The following PTPRD variants were observed in gnomAD, a reference collection of about 807,000 sequenced individuals.
The protein encoded by PTPRD is receptor-type tyrosine-protein phosphatase delta.
Under a neutral mutation model 214.5 loss-of-function variants are expected in PTPRD, and 34 were observed. The ratio of observed to expected loss-of-function variants is 0.16; its 90% CI spans 0.12 to 0.21. The LOEUF (loss-of-function observed/expected upper bound fraction) is 0.21. PTPRD is among the 10% of genes least tolerant of loss of function. PTPRD has a pLI of 1.00. For missense variants in PTPRD, 2,545 were observed against 2,398.7 expected (o/e 1.06, Z -1.27); for synonymous variants, 1,128 against 845.7 (o/e 1.33, Z -5.79).
Position 10,149,337 on chromosome 9 carries a change from C to T in PTPRD, c.-544-115547G>A, listed in dbSNP as rs190680676. 9.9e-5 allele frequency among the ~76,000 whole-genome samples: 15 copies of T among 152,260 alleles called. No homozygotes were observed. In the East Asian group the frequency reaches 2.5e-3, roughly 25 times the overall value. On this transcript the variant is annotated intron_variant, in intron 3 of 45. Transcript: ENST00000381196. The stretch of plus-strand genomic sequence containing the variant: ...ACTGGGAGAATCTGGGCCAGATCTT[C>T]CCAAGAGGTGTTTCTTGTTTTGTGT...
intron 9 of PTPRD, among the ~76,000 whole-genome samples, chr9:9,390,224 C>G (rs567657340): frequency 1.8e-4 from 28 of 152,264 alleles, no homozygotes; most frequent in African/African-American, 6.3e-4. Flanking sequence ...GAAACCATGT[C>G]AGACAGGAGG....
chr9:9,803,425 ATTATT>A (rs1292203616), intron 5 of PTPRD, among the ~76,000 whole-genome samples: 2 of 151,954 alleles, frequency 1.3e-5, no homozygotes, highest in Admixed American at 6.6e-5. Flanking sequence ...TTCAGAAATA[ATTATT>A]TATTTTCTTA....
chr9:10,538,319 T>A (rs573490775), intron 2 of PTPRD, among the ~76,000 whole-genome samples: 14 of 151,718 alleles, frequency 9.2e-5, no homozygotes, highest in South Asian at 2.1e-4. Context: ...AGTGGTTCTG[T>A]AAAGAAAGAG....
chr9:9,199,015 T>A (rs1249035031), intron 9 of PTPRD, among the ~76,000 whole-genome samples: 2 of 152,138 alleles, frequency 1.3e-5, no homozygotes, highest in African/African-American at 4.8e-5. Flanking sequence ...GATTAAATAT[T>A]TATATAGTAC....
At chr9:9,577,841 T>C (rs970426313) in intron 7 of PTPRD, among the ~76,000 whole-genome samples, 3 of 149,628 alleles carry the variant, frequency 2.0e-5, no homozygotes, top group Non-Finnish European at 4.4e-5. Flanking sequence ...AGGTTGGGAG[T>C]TCAAGACCAG....
At chr9:9,233,301 T>A (rs1447340914) in intron 9 of PTPRD, among the ~76,000 whole-genome samples, 1 of 152,056 alleles carries the variant, frequency 6.6e-6, no homozygotes, top group Non-Finnish European at 1.5e-5. Flanking sequence ...TCGTGAGATC[T>A]CACTATCATG....
chr9:10,226,494 T>C (rs1169018437), intron 3 of PTPRD, among the ~76,000 whole-genome samples: 1 of 151,978 alleles, frequency 6.6e-6, no homozygotes, highest in Non-Finnish European at 1.5e-5. Context: ...AGAGGCTGCA[T>C]GAGGTGAAGC....
chr9:9,419,462 T>C (rs1231338439), intron 8 of PTPRD, among the ~76,000 whole-genome samples: 1 of 151,790 alleles, frequency 6.6e-6, no homozygotes, highest in African/African-American at 2.4e-5. Context: ...TAATATTATC[T>C]CTTTCAGAAA....
chr9:8,347,226 G>A (rs142363149), intron 39 of PTPRD, among the ~76,000 whole-genome samples: 1 of 152,176 alleles, frequency 6.6e-6, no homozygotes, highest in African/African-American at 2.4e-5. Context: ...CAGAGAGCAG[G>A]TTTTTACATA....
chr9:8,849,760 G>A (rs1458239763), intron 11 of PTPRD, among the ~76,000 whole-genome samples: 2 of 152,194 alleles, frequency 1.3e-5, no homozygotes, highest in Non-Finnish European at 2.9e-5. Context: ...GCTATGGTGA[G>A]GGAGAAGGCT....
rs368414828 is a variant in PTPRD at position 8,648,096 on chromosome 9, A to G, written c.65-11252T>C. On this transcript the variant is annotated intron_variant, in intron 12 of 45. Transcript: ENST00000381196. ...CACGCATTACAACAGGACAATACAC[A>G]TGCATGAAGACCATAACGTGGGTCA... Among the ~76,000 whole-genome samples the G allele has an allele frequency of 2.6e-5, 4 of 152,356 alleles. No individual in the cohort carries two copies. In the South Asian group the frequency reaches 8.3e-4, roughly 32 times the overall value.
intron 2 of PTPRD, among the ~76,000 whole-genome samples, chr9:10,434,308 A>G (rs1407254384): frequency 6.6e-6 from 1 of 151,932 alleles, no homozygotes; most frequent in East Asian, 1.9e-4. Context: ...TTTTTAAACT[A>G]GAAAGCATGA....
intron 11 of PTPRD, among the ~76,000 whole-genome samples, chr9:8,935,875 A>G (rs1588400184): frequency 6.6e-6 from 1 of 152,248 alleles, no homozygotes; most frequent in South Asian, 2.1e-4. Context: ...TACATCACCA[A>G]TTTGAAAAAG....
chr9:9,389,519 T>C, intron 9 of PTPRD, among the ~76,000 whole-genome samples: 1 of 152,088 alleles, frequency 6.6e-6, no homozygotes, highest in Non-Finnish European at 1.5e-5. Context: ...ATAATAATAA[T>C]AATAAAAAAA....
intron 9 of PTPRD, among the ~76,000 whole-genome samples, chr9:9,318,224 CA>C (rs74895016): frequency 0.01 from 1,279 of 126,900 alleles, 6 homozygotes; most frequent in Non-Finnish European, 0.014. Flanking sequence ...AACAAAAAAC[CA>C]AAAAAAAAAA....
At chr9:8,663,446 G>A (rs539237180) in intron 12 of PTPRD, among the ~76,000 whole-genome samples, 3 of 144,460 alleles carry the variant, frequency 2.1e-5, no homozygotes, top group East Asian at 1.9e-4. Context: ...GCATGTGATT[G>A]TAAAAGCATA....
chr9:8,887,665 T>C (rs749497433), intron 11 of PTPRD, among the ~76,000 whole-genome samples: 3 of 152,188 alleles, frequency 2.0e-5, no homozygotes, highest in Non-Finnish European at 4.4e-5. Context: ...AAACCTATCC[T>C]AGTTACAAAG....
rs973993219 is a variant in PTPRD, at chr9:8,679,292, T to C, written c.65-42448A>G. ...CACATCCTCTTGATACGATTTCTGA[T>C]CTGGAAATTCAGATATTTAAATAAC... is the stretch of plus-strand genomic sequence containing the variant. On this transcript the variant is annotated intron_variant, in intron 12 of 45. Coordinates refer to ENST00000381196, the MANE Select transcript of PTPRD (RefSeq NM_002839.4). 5.3e-5 allele frequency among the ~76,000 whole-genome samples: 8 copies of C among 152,328 alleles called. No individual in the cohort carries two copies. In the East Asian group the frequency reaches 1.2e-3, roughly 22 times the overall value.
At chr9:8,923,028 T>C (rs956980218) in intron 11 of PTPRD, among the ~76,000 whole-genome samples, 5 of 108,638 alleles carry the variant, frequency 4.6e-5, no homozygotes, top group African/African-American at 2.0e-4. Context: ...TCTTTTTCTC[T>C]CTTTTTGTCT....
Sources: allele counts gnomAD v4.1 joint callset (sites outside exome capture counted in the v4.1 genomes callset), GRCh38; gene constraint gnomAD v4.1.1; transcripts MANE v1.5; gene names NCBI Gene and HGNC (gene_info 2026-07-23, HGNC 2026-07-21).